The following CDH4 variants were observed in gnomAD, a reference collection of about 807,000 sequenced individuals.
The protein encoded by CDH4 is cadherin 4, also known as cadherin-4.
CDH4 carries 33 observed loss-of-function variants against 86.0 expected under a neutral mutation model. That is an observed-to-expected ratio of 0.38 (90% CI 0.29 to 0.51). CDH4 has a LOEUF of 0.51. Among genes scored for constraint, CDH4 ranks in the 20% least tolerant of loss-of-function variants. The pLI is 0.86. For missense variants in CDH4, 1,114 were observed against 1,307.4 expected, an observed-to-expected ratio of 0.85 and a Z score of 2.28; for synonymous variants, 555 against 549.4, an observed-to-expected ratio of 1.01 and a Z score of -0.14.
intron 4 of CDH4, among the ~76,000 whole-genome samples, chr20:61,782,608 T>A (rs1292211095): frequency 1.3e-5 from 2 of 152,148 alleles, no homozygotes; most frequent in Non-Finnish European, 2.9e-5. Context: ...GTAATAAATA[T>A]GACAACAGTA....
chr20:61,290,921 G>C (rs141973728), intron 2 of CDH4, among the ~76,000 whole-genome samples: 2 of 152,174 alleles, frequency 1.3e-5, no homozygotes, highest in African/African-American at 4.8e-5. Context: ...TCCAAACACC[G>C]TTATCAAGAG....
At chr20:61,304,263 AC>A (rs5842346) in intron 2 of CDH4, among the ~76,000 whole-genome samples, 2 of 150,142 alleles carry the variant, frequency 1.3e-5, no homozygotes, top group Non-Finnish European at 3.0e-5. Context: ...AGTGGACGGC[AC>A]CCCCCCAACC....
At position 61,934,230 on chromosome 20, in the gene CDH4, T is replaced by C; in HGVS notation, c.2544+10T>C. 2 of 1,525,226 alleles carry C rather than the reference T, an allele frequency of 1.3e-6. No individual in the cohort carries two copies. The highest frequency in any genetic ancestry group is 1.8e-6 in the Non-Finnish European group (2 of 1,133,744). The allele number at this position is 1,525,226 out of a possible 1,614,324, so 94.5% of individuals were successfully genotyped here. A position where few individuals can be genotyped will look rare whatever the true frequency, so the allele number is the denominator to read the frequency against. On this transcript the variant is annotated intron_variant, in intron 15 of 15. Transcript: ENST00000614565. ...TGACTTCATCAATGAGGTGTGTGCC[T>C]CTCGGCAGTGGGGGGCCCGGGCAAG... is the stretch of plus-strand genomic sequence containing the variant.
intron 2 of CDH4, among the ~76,000 whole-genome samples, chr20:61,679,237 A>T (rs762158238): frequency 2.6e-5 from 4 of 151,992 alleles, no homozygotes; most frequent in Non-Finnish European, 5.9e-5. Context: ...CCTCCATAAA[A>T]CACATCCCTG....
At chr20:61,572,032 A>C (rs2086345721) in intron 2 of CDH4, among the ~76,000 whole-genome samples, 1 of 152,060 alleles carries the variant, frequency 6.6e-6, no homozygotes, top group Non-Finnish European at 1.5e-5. Context: ...CTTAGAGCCC[A>C]GGCCCTTCCC....
intron 14 of CDH4, among the ~76,000 whole-genome samples, chr20:61,933,583 C>T (rs938545149): frequency 2.0e-5 from 3 of 152,338 alleles, no homozygotes; most frequent in Middle Eastern, 3.4e-3. Context: ...TCCTTAAACC[C>T]GTCTAAAGCT....
chr20:61,916,304 C>T lies in CDH4; in HGVS notation c.1374+5697C>T, dbSNP rs79606832. ...GAGGGCATCTGTTCTTAGATTCCCA[C>T]GCTAGCTCTTTGCTCACTTACCCCT... On this transcript the variant is annotated intron_variant, in intron 9 of 15. Coordinates refer to ENST00000614565, the MANE Select transcript of CDH4 (RefSeq NM_001794.5). Among the ~76,000 whole-genome samples the T allele has an allele frequency of 4.4e-3, 663 of 152,254 alleles. 4 individuals carry two copies. Among genetic ancestry groups the T allele is most frequent in the African/African-American group, 0.015 (630 of 41,532 alleles).
chr20:61,540,822 C>T (rs1304420250), intron 2 of CDH4, among the ~76,000 whole-genome samples: 2 of 152,050 alleles, frequency 1.3e-5, no homozygotes, highest in Non-Finnish European at 2.9e-5. Context: ...GCCTGACAGA[C>T]CCTGTGGGGG....
intron 6 of CDH4, 88 bp downstream of exon 6, chr20:61,852,986 C>T (rs1370426016): frequency 1.4e-6 from 2 of 1,391,660 alleles, no homozygotes; most frequent in Non-Finnish European, 2.0e-6. Context: ...GCTGCTTAGT[C>T]CCCGCTACCA....
chr20:61,512,027 G>T (rs1240575325), intron 2 of CDH4, among the ~76,000 whole-genome samples: 1 of 152,158 alleles, frequency 6.6e-6, no homozygotes, highest in African/African-American at 2.4e-5. Flanking sequence ...CCCTCCATCC[G>T]CATTGATTTA....
intron 2 of CDH4, among the ~76,000 whole-genome samples, chr20:61,257,983 G>A (rs1482052507): frequency 9.9e-5 from 15 of 152,194 alleles, no homozygotes; most frequent in Admixed American, 2.6e-4. Context: ...GGGATGGGGC[G>A]GAGCCTGGCA....
At chr20:61,701,741 C>T (rs1320557281) in intron 2 of CDH4, among the ~76,000 whole-genome samples, 9 of 152,236 alleles carry the variant, frequency 5.9e-5, no homozygotes, top group East Asian at 5.8e-4. Flanking sequence ...TCGGCTCACG[C>T]GGGGATCTCC....
intron 2 of CDH4, among the ~76,000 whole-genome samples, chr20:61,362,400 G>C (rs1184027651): frequency 6.6e-6 from 1 of 151,262 alleles, no homozygotes; most frequent in Non-Finnish European, 1.5e-5. Flanking sequence ...GCCTAGGACA[G>C]CGTAGGGGAG....
chr20:61,871,925 T>C (rs146350467), intron 6 of CDH4, among the ~76,000 whole-genome samples: 53 of 152,340 alleles, frequency 3.5e-4, no homozygotes, highest in African/African-American at 1.2e-3. Flanking sequence ...AGCAAACTCC[T>C]AGTCAGACAC....
At chr20:61,512,671 C>T (rs943864539) in intron 2 of CDH4, among the ~76,000 whole-genome samples, 19 of 152,204 alleles carry the variant, frequency 1.2e-4, no homozygotes, top group African/African-American at 4.6e-4. Context: ...GCCAGGGCAG[C>T]GTTTCCAGGA....
intron 7 of CDH4, among the ~76,000 whole-genome samples, chr20:61,887,913 C>T (rs561467407): frequency 6.6e-6 from 1 of 152,214 alleles, no homozygotes; most frequent in South Asian, 2.1e-4. Context: ...CCGAGGGGGG[C>T]CGGTGCAGGC....
chr20:61,851,687 C>T (rs1015963954), intron 5 of CDH4, among the ~76,000 whole-genome samples: 1 of 152,224 alleles, frequency 6.6e-6, no homozygotes, highest in Non-Finnish European at 1.5e-5. Flanking sequence ...GCCCTTTCCA[C>T]TCCCCGACAG....
intron 8 of CDH4, among the ~76,000 whole-genome samples, chr20:61,899,940 C>T (rs188043522): frequency 6.6e-4 from 101 of 152,290 alleles, no homozygotes; most frequent in Non-Finnish European, 1.1e-3. Context: ...ACTTAGGAGC[C>T]CTGGGGTCTG....
chr20:61,420,238 G>A (rs78425634), intron 2 of CDH4, among the ~76,000 whole-genome samples: 2,176 of 152,350 alleles, frequency 0.014, 52 homozygotes, highest in African/African-American at 0.049. Context: ...TCCTCCTGCT[G>A]TGCGGGGAAA....
Sources: gnomAD v4.1 joint callset for allele counts (sites outside exome capture counted in the v4.1 genomes callset) on GRCh38, gnomAD v4.1.1 for gene constraint, MANE v1.5 for transcripts, NCBI Gene and HGNC (gene_info 2026-07-23, HGNC 2026-07-21) for gene names.